VPS13B: variants seen among roughly 807,000 people sequenced by gnomAD.
VPS13B encodes intermembrane lipid transfer protein VPS13B.
In VPS13B, 285 loss-of-function variants were observed where a neutral mutation model predicts 426.4. That is an observed-to-expected ratio of 0.67 (90% confidence interval 0.61 to 0.74). VPS13B has a LOEUF of 0.74. VPS13B is among the 30% of genes least tolerant of loss of function. VPS13B has a pLI of 0.00. For missense variants in VPS13B, 4,537 were observed against 4,782.6 expected (o/e 0.95, Z 1.51); for synonymous variants, 1,676 against 1,676.4 (o/e 1.00, Z 0.01).
Position 99,778,875 on chromosome 8 carries a change from T to C in VPS13B, c.7623T>C (p.Ser2541=). ...LLECRNVTMQ[S]VVKPFSIFGQ... is the part of the protein sequence containing the mutation. ...AGTGCAGAAATGTCACTATGCAAAG[T>C]GTGGTGAAACCCTTCAGCATCTTCG... is the stretch of plus-strand genomic sequence containing the variant. The change falls in exon 42 of 62, where the codon AGT becomes AGC. Residue 2541 remains serine, a synonymous_variant. Transcript: ENST00000357162. The C allele has an allele frequency of 1.2e-6, 2 of 1,614,032 alleles. No homozygotes were observed. Among genetic ancestry groups the C allele is most frequent in the Non-Finnish European group, 1.7e-6 (2 of 1,179,928 alleles).
chr8:99,813,586 G>C (rs1358690477), intron 44 of VPS13B, among the ~76,000 whole-genome samples: 1 of 152,204 alleles, frequency 6.6e-6, no homozygotes, highest in Non-Finnish European at 1.5e-5. Flanking sequence ...TAGGATCATA[G>C]TTCAGTTGAC....
At chr8:99,081,146 G>GGTTTAAGCT (rs1845431843) in intron 3 of VPS13B, among the ~76,000 whole-genome samples, 1 of 152,138 alleles carries the variant, frequency 6.6e-6, no homozygotes, top group South Asian at 2.1e-4. Context: ...CTCTGTTACT[G>GGTTTAAGCT]GTTTTAAGCG....
At chr8:99,474,013 T>C (rs1363244857) in intron 24 of VPS13B, among the ~76,000 whole-genome samples, 1 of 152,142 alleles carries the variant, frequency 6.6e-6, no homozygotes, top group Non-Finnish European at 1.5e-5. Flanking sequence ...TAAAGAGATA[T>C]ATCTCCTCAT....
chr8:99,505,836 C>T (rs941624229), intron 27 of VPS13B, among the ~76,000 whole-genome samples: 3 of 151,950 alleles, frequency 2.0e-5, no homozygotes, highest in Non-Finnish European at 2.9e-5. Flanking sequence ...CCCATAAAAC[C>T]GAGGTATGCC....
intron 28 of VPS13B, among the ~76,000 whole-genome samples, chr8:99,510,737 C>A (rs769943052): frequency 6.6e-6 from 1 of 152,174 alleles, no homozygotes; most frequent in African/African-American, 2.4e-5. Context: ...GTCTCAAACT[C>A]CTGGCCTCAA....
intron 23 of VPS13B, among the ~76,000 whole-genome samples, chr8:99,466,305 G>A (rs1819110696): frequency 2.6e-5 from 4 of 152,020 alleles, no homozygotes; most frequent in South Asian, 2.1e-4. Context: ...CTGCAGTATG[G>A]CATCTATTAC....
intron 33 of VPS13B, among the ~76,000 whole-genome samples, chr8:99,640,013 TAATAATAATAATAAG>T (rs1420483595): frequency 1.6e-4 from 11 of 70,592 alleles, no homozygotes; most frequent in Non-Finnish European, 2.5e-4. Flanking sequence ...ATAATAATAA[TAATAATAATAATAAG>T]AAGAAGAAGA....
intron 54 of VPS13B, 36 bp downstream of exon 54, chr8:99,835,774 A>G: frequency 6.2e-7 from 1 of 1,609,690 alleles, no homozygotes; most frequent in Non-Finnish European, 8.5e-7. Flanking sequence ...AGACCCAAAG[A>G]AAAATGCCCT....
rs542617370 is a variant in VPS13B at position 99,324,865 on chromosome 8, A to G, written c.2824+49611A>G. Among the ~76,000 whole-genome samples the G allele has an allele frequency of 4.6e-5, 7 of 152,256 alleles. 1 individual carries two copies. The highest frequency in any genetic ancestry group is 1.7e-4 in the African/African-American group (7 of 41,566). On this transcript the variant is annotated intron_variant, in intron 19 of 61. Transcript: ENST00000357162. Reference sequence around the variant, plus strand: ...TTACATCTAGTTACAAAGATTATATATGGTTTTAAAAATTGTTGTATTTTG... The same window carrying G: ...TTACATCTAGTTACAAAGATTATATGTGGTTTTAAAAATTGTTGTATTTTG...
At chr8:99,751,432 A>C (rs1278718712) in intron 39 of VPS13B, among the ~76,000 whole-genome samples, 1 of 152,160 alleles carries the variant, frequency 6.6e-6, no homozygotes, top group Non-Finnish European at 1.5e-5. Flanking sequence ...GAATGAGTAC[A>C]TTGGTAAAGA....
intron 21 of VPS13B, 132 bp downstream of exon 21, chr8:99,391,836 C>T (rs1814464461): frequency 8.3e-7 from 1 of 1,210,756 alleles, no homozygotes; most frequent in African/African-American, 1.5e-5. Flanking sequence ...CTTTATTATC[C>T]ACAACATTAG....
intron 33 of VPS13B, among the ~76,000 whole-genome samples, chr8:99,627,327 CA>C (rs941468978): frequency 1.2e-4 from 18 of 151,314 alleles, no homozygotes; most frequent in Non-Finnish European, 2.4e-4. Context: ...GACCCTGTCT[CA>C]AAAAAAAGAT....
intron 30 of VPS13B, among the ~76,000 whole-genome samples, chr8:99,531,252 A>T (rs574658872): frequency 6.6e-6 from 1 of 152,322 alleles, no homozygotes; most frequent in Non-Finnish European, 1.5e-5. Flanking sequence ...AATGTGCTTA[A>T]TACTGCATTT....
intron 21 of VPS13B, among the ~76,000 whole-genome samples, chr8:99,412,343 G>A (rs988127678): frequency 1.3e-5 from 2 of 152,172 alleles, no homozygotes; most frequent in African/African-American, 4.8e-5. Context: ...TTGTGAATGG[G>A]AATTCCCGCA....
intron 6 of VPS13B, among the ~76,000 whole-genome samples, chr8:99,111,937 CT>C (rs1180594815): frequency 6.6e-6 from 1 of 152,010 alleles, no homozygotes; most frequent in African/African-American, 2.4e-5. Flanking sequence ...TTTTTCAGCC[CT>C]TTTTTCCTCT....
At chr8:99,510,247 CTCTG>C (rs1384516523) in intron 28 of VPS13B, among the ~76,000 whole-genome samples, 7 of 152,060 alleles carry the variant, frequency 4.6e-5, no homozygotes, top group Non-Finnish European at 8.8e-5. Context: ...CTTTTGTAGG[CTCTG>C]TCTTTGTATA....
intron 23 of VPS13B, among the ~76,000 whole-genome samples, chr8:99,451,709 T>C (rs1818204815): frequency 6.6e-6 from 1 of 152,198 alleles, no homozygotes; most frequent in Admixed American, 6.5e-5. Flanking sequence ...GAACCCTGTA[T>C]GGAACTCTAT....
chr8:99,640,043 G>GAAGAAGAAGAAGAAGAGAA (rs372915682), intron 33 of VPS13B, among the ~76,000 whole-genome samples: 37 of 82,184 alleles, frequency 4.5e-4, no homozygotes, highest in Middle Eastern at 0.01. Context: ...AGAAGAAGAA[G>GAAGAAGAAGAAGAAGAGAA]AAGAAGAGAA....
chr8:99,271,352 A>G (rs1477715137), intron 17 of VPS13B, among the ~76,000 whole-genome samples: 1 of 152,186 alleles, frequency 6.6e-6, no homozygotes, highest in Non-Finnish European at 1.5e-5. Context: ...TTTAAAATGC[A>G]TAAATATACA....
Sources: allele counts gnomAD v4.1 joint callset (sites outside exome capture counted in the v4.1 genomes callset), GRCh38; gene constraint gnomAD v4.1.1; transcripts MANE v1.5; gene names NCBI Gene and HGNC (gene_info 2026-07-23, HGNC 2026-07-21).